B3GALT1: variants seen among roughly 807,000 people sequenced by gnomAD.
B3GALT1 encodes the protein beta-1,3-galactosyltransferase 1, also known as UDP-Gal:betaGlcNAc beta 1,3-galactosyltransferase, polypeptide 1.
B3GALT1 carries 10 observed loss-of-function variants against 23.2 expected under a neutral mutation model. That is an observed-to-expected ratio of 0.43 (90% CI 0.27 to 0.73). The LOEUF (loss-of-function observed/expected upper bound fraction) is 0.73. B3GALT1 is among the 30% of genes least tolerant of loss of function. B3GALT1 has a pLI of 0.21. For missense variants in B3GALT1, 299 were observed against 405.4 expected (o/e 0.74, Z 2.25); for synonymous variants, 156 against 141.5 (o/e 1.10, Z -0.73).
intron 2 of B3GALT1, among the ~76,000 whole-genome samples, chr2:167,536,979 A>G (rs1683439803): frequency 6.6e-6 from 1 of 152,098 alleles, no homozygotes; most frequent in South Asian, 2.1e-4. Flanking sequence ...AAAGCCTACT[A>G]AAAGTCGCAG....
intron 1 of B3GALT1, among the ~76,000 whole-genome samples, chr2:167,298,057 T>G (rs534651052): frequency 9.0e-4 from 137 of 152,238 alleles, no homozygotes; most frequent in African/African-American, 3.2e-3. Flanking sequence ...TCTGCCTAAA[T>G]GCAAAACTTT....
intron 3 of B3GALT1, among the ~76,000 whole-genome samples, chr2:167,804,538 TC>T (rs200355617): frequency 0.033 from 4,965 of 152,160 alleles, 119 homozygotes; most frequent in South Asian, 0.069. Context: ...CCATGTGTTC[TC>T]ATTGTTCAAT....
At chr2:167,663,207 G>C (rs1027244010) in intron 3 of B3GALT1, among the ~76,000 whole-genome samples, 6 of 149,228 alleles carry the variant, frequency 4.0e-5, no homozygotes, top group Admixed American at 2.0e-4. Context: ...AGAATATGCG[G>C]TGTTTGGTTT....
intron 3 of B3GALT1, among the ~76,000 whole-genome samples, chr2:167,672,936 T>C (rs532728404): frequency 7.3e-5 from 11 of 150,800 alleles, no homozygotes; most frequent in Non-Finnish European, 1.5e-4. Flanking sequence ...AAAACACCAG[T>C]AGATTCTACT....
intron 1 of B3GALT1, among the ~76,000 whole-genome samples, chr2:167,430,275 A>G (rs1220291596): frequency 6.6e-6 from 1 of 152,184 alleles, no homozygotes. Context: ...TGGCTGAAGA[A>G]AGGGAATTAG....
In B3GALT1 at chr2:167,632,019, CCA is replaced by C. The variant is rs566617055; in HGVS notation, c.-409-14888_-409-14887del. Among the ~76,000 whole-genome samples the C allele has an allele frequency of 2.5e-3, 373 of 151,992 alleles. 3 individuals are homozygous for C. Among genetic ancestry groups the C allele is most frequent in the Middle Eastern group, 6.8e-3 (2 of 294 alleles). On this transcript the variant is annotated intron_variant, in intron 2 of 4. Coordinates refer to ENST00000392690, the MANE Select transcript of B3GALT1 (RefSeq NM_020981.4). ...TCCATGTGTTCTCATTGTTCAACTCCCACTTATGAGTGAGAACATGTGGTGTT... is the reference window on the plus strand; with the variant it reads ...TCCATGTGTTCTCATTGTTCAACTCCCTTATGAGTGAGAACATGTGGTGTT...
At chr2:167,733,443 T>C (rs1269967995) in intron 3 of B3GALT1, among the ~76,000 whole-genome samples, 1 of 152,120 alleles carries the variant, frequency 6.6e-6, no homozygotes, top group Non-Finnish European at 1.5e-5. Context: ...GCTCATCAGC[T>C]GTCTTTAGTG....
intron 1 of B3GALT1, among the ~76,000 whole-genome samples, chr2:167,448,594 C>T (rs959457504): frequency 1.3e-5 from 2 of 152,118 alleles, no homozygotes; most frequent in Non-Finnish European, 2.9e-5. Context: ...ATTTCTTTTG[C>T]TGTGCAGAAG....
chr2:167,681,499 A>G (rs1270268596), intron 3 of B3GALT1, among the ~76,000 whole-genome samples: 1 of 152,190 alleles, frequency 6.6e-6, no homozygotes, highest in Non-Finnish European at 1.5e-5. Context: ...GCTATGATAT[A>G]CAGTGTCCTA....
chr2:167,307,951 A>G (rs1374663923), intron 1 of B3GALT1, among the ~76,000 whole-genome samples: 1 of 131,196 alleles, frequency 7.6e-6, no homozygotes, highest in African/African-American at 2.7e-5. Context: ...AGGAGTAAAT[A>G]TGATATAACA....
At chr2:167,459,458 C>T (rs1699223655) in intron 1 of B3GALT1, among the ~76,000 whole-genome samples, 1 of 152,108 alleles carries the variant, frequency 6.6e-6, no homozygotes, top group Admixed American at 6.5e-5. Context: ...TTGCATGTTT[C>T]CTGCCCTAAA....
chr2:167,512,570 ATATATATATG>A (rs1558887680), intron 2 of B3GALT1, among the ~76,000 whole-genome samples: 5 of 91,160 alleles, frequency 5.5e-5, no homozygotes, highest in African/African-American at 9.5e-5. Context: ...ATATATATGT[ATATATATATG>A]TATATATATA....
chr2:167,698,789 G>A (rs1359723064), intron 3 of B3GALT1, among the ~76,000 whole-genome samples: 1 of 152,194 alleles, frequency 6.6e-6, no homozygotes, highest in East Asian at 1.9e-4. Context: ...CGTTCAATAA[G>A]TCTTTGGCCT....
intron 1 of B3GALT1, among the ~76,000 whole-genome samples, chr2:167,466,704 T>C (rs1699349814): frequency 6.6e-6 from 1 of 151,194 alleles, no homozygotes; most frequent in Non-Finnish European, 1.5e-5. Flanking sequence ...TATATAATTT[T>C]TAACTATTAT....
intron 2 of B3GALT1, among the ~76,000 whole-genome samples, chr2:167,607,441 T>C (rs1443589398): frequency 2.0e-5 from 3 of 152,206 alleles, no homozygotes; most frequent in Admixed American, 1.3e-4. Flanking sequence ...AACTCAATCA[T>C]ATGACGCCAC....
intron 1 of B3GALT1, among the ~76,000 whole-genome samples, chr2:167,409,177 T>C (rs1208534690): frequency 1.3e-5 from 2 of 152,224 alleles, no homozygotes; most frequent in Non-Finnish European, 2.9e-5. Context: ...CTGGCTGTTC[T>C]TAACATGTTT....
At chr2:167,525,464 C>A (rs1683203652) in intron 2 of B3GALT1, among the ~76,000 whole-genome samples, 1 of 151,822 alleles carries the variant, frequency 6.6e-6, no homozygotes, top group South Asian at 2.1e-4. Flanking sequence ...AGAGATAACA[C>A]ATTTGTATTT....
intron 1 of B3GALT1, among the ~76,000 whole-genome samples, chr2:167,359,292 C>T (rs1230085065): frequency 6.6e-6 from 1 of 152,084 alleles, no homozygotes; most frequent in African/African-American, 2.4e-5. Flanking sequence ...CAAGGCACAT[C>T]CTCAATCTGC....
chr2:167,867,336 C>T (rs940019858), intron 4 of B3GALT1, among the ~76,000 whole-genome samples: 12 of 152,164 alleles, frequency 7.9e-5, no homozygotes, highest in African/African-American at 2.6e-4. Flanking sequence ...TTTGGTGCAC[C>T]TTAGAACAGA....
Sources: allele counts gnomAD v4.1 joint callset (sites outside exome capture counted in the v4.1 genomes callset), GRCh38; gene constraint gnomAD v4.1.1; transcripts MANE v1.5; gene names NCBI Gene and HGNC (gene_info 2026-07-23, HGNC 2026-07-21).